Variants in AKAP6 observed in about 807,000 individuals in gnomAD.
AKAP6 encodes the protein A-kinase anchor protein 6.
In AKAP6, 58 loss-of-function variants were observed where a neutral mutation model predicts 188.5. The observed-to-expected ratio is 0.31, with a 90% CI of 0.25 to 0.38. AKAP6 has a LOEUF of 0.38. AKAP6 is among the 10% of genes least tolerant of loss of function. The pLI is 1.00. For missense variants in AKAP6, 2,710 were observed against 2,740.0 expected (o/e 0.99, Z 0.24); for synonymous variants, 989 against 998.6 (o/e 0.99, Z 0.18).
intron 9 of AKAP6, chr14:32,718,239 G>A (rs562982474): frequency 2.1e-6 from 2 of 973,506 alleles, no homozygotes; most frequent in East Asian, 1.1e-4. Flanking sequence ...TTTCCCCATG[G>A]GCTTGCCATA....
At chr14:32,813,390 C>CCT (rs1555365123) in intron 12 of AKAP6, among the ~76,000 whole-genome samples, 1 of 57,876 alleles carries the variant, frequency 1.7e-5, no homozygotes, top group Non-Finnish European at 3.2e-5. Context: ...TCTAACCCTA[C>CCT]CCCCCCCCCC....
intron 4 of AKAP6, among the ~76,000 whole-genome samples, chr14:32,554,483 G>T (rs181205641): frequency 1.9e-3 from 283 of 152,248 alleles, no homozygotes; most frequent in Non-Finnish European, 3.2e-3. Context: ...ACTTGCTCAG[G>T]GTCATAATGC....
At chr14:32,707,791 C>T (rs1566658745) in intron 9 of AKAP6, among the ~76,000 whole-genome samples, 1 of 152,058 alleles carries the variant, frequency 6.6e-6, no homozygotes, top group Non-Finnish European at 1.5e-5. Flanking sequence ...GAATGTAAAA[C>T]TTTATGTTCT....
At chr14:32,806,497 C>A (rs1004814190) in intron 12 of AKAP6, among the ~76,000 whole-genome samples, 4 of 151,946 alleles carry the variant, frequency 2.6e-5, no homozygotes, top group African/African-American at 9.7e-5. Flanking sequence ...AGCAACATGG[C>A]AAAACCCCTT....
chr14:32,436,923 C>T (rs921205238), intron 2 of AKAP6, among the ~76,000 whole-genome samples: 3 of 152,122 alleles, frequency 2.0e-5, no homozygotes, highest in Admixed American at 2.0e-4. Context: ...GAGACTCTGT[C>T]TCAAAAAACT....
intron 7 of AKAP6, chr14:32,627,999 C>A (rs748424218): frequency 6.6e-6 from 1 of 151,986 alleles, no homozygotes; most frequent in Admixed American, 6.6e-5. Flanking sequence ...GCAAAGGACG[C>A]GGGGTGGATG....
chr14:32,343,981 T>TGTATGA (rs1455696953), intron 1 of AKAP6, among the ~76,000 whole-genome samples: 1 of 152,178 alleles, frequency 6.6e-6, no homozygotes, highest in African/African-American at 2.4e-5. Context: ...ACTCTGAGGT[T>TGTATGA]GTTTCACATG....
intron 2 of AKAP6, among the ~76,000 whole-genome samples, chr14:32,529,483 A>C (rs1401343637): frequency 6.6e-6 from 1 of 152,056 alleles, no homozygotes; most frequent in African/African-American, 2.4e-5. Flanking sequence ...TCTTATTGCA[A>C]TAGCTAGGAC....
chr14:32,719,985 T>A (rs2030444379), intron 9 of AKAP6, among the ~76,000 whole-genome samples: 1 of 152,202 alleles, frequency 6.6e-6, no homozygotes. Context: ...CTGCTGCTGC[T>A]GCACAACCAT....
chr14:32,488,368 C>T (rs947861000), intron 2 of AKAP6, among the ~76,000 whole-genome samples: 5 of 152,122 alleles, frequency 3.3e-5, no homozygotes, highest in East Asian at 3.9e-4. Flanking sequence ...TAATGGTGGA[C>T]GCCCCTACCC....
intron 4 of AKAP6, among the ~76,000 whole-genome samples, chr14:32,557,983 A>C (rs920138384): frequency 7.9e-5 from 12 of 152,032 alleles, no homozygotes; most frequent in Admixed American, 7.2e-4. Context: ...TACCATTCAA[A>C]CTGGAGCCCT....
chr14:32,372,770 CTGTGTGTGTGTGTGTGTG>C (rs3031400), intron 1 of AKAP6, among the ~76,000 whole-genome samples: 3 of 147,486 alleles, frequency 2.0e-5, no homozygotes, highest in Admixed American at 6.8e-5. Context: ...TTTTGTTGCT[CTGTGTGTGTGTGTGTGTG>C]TGTGTGTGTG....
rs768237045 is a variant in AKAP6, at chr14:32,546,409, G to A, written c.1756G>A (p.Val586Ile). Reference sequence around the variant, plus strand: ...TTTTACTCAGAGCAGTGAATCCTCTGTTGGCTCAGACAACATCATGTCTCC... The same window carrying A: ...TTTTACTCAGAGCAGTGAATCCTCTATTGGCTCAGACAACATCATGTCTCC... The part of the protein sequence containing the change: ...PAFTQSSESS[V>I]GSDNIMSPVP... Residue 586 changes from valine (V) to isoleucine (I), a missense_variant, in exon 4 of 14, where the codon GTT becomes ATT. Around this residue, in one of 2 missense-constraint regions of AKAP6, gnomAD observed 2,473 missense variants for 2,426.1 expected, o/e 1.02. Coordinates refer to ENST00000280979, the MANE Select transcript of AKAP6 (RefSeq NM_004274.5). The A allele has an allele frequency of 1.2e-6, 2 of 1,614,160 alleles. No individual in the cohort carries two copies. Among genetic ancestry groups the A allele is most frequent in the Non-Finnish European group, 1.7e-6 (2 of 1,180,030 alleles).
intron 7 of AKAP6, among the ~76,000 whole-genome samples, chr14:32,602,566 A>G (rs1415450724): frequency 6.6e-6 from 1 of 152,148 alleles, no homozygotes; most frequent in African/African-American, 2.4e-5. Context: ...GCTACTCAGG[A>G]GGCTGAGTTG....
intron 1 of AKAP6, among the ~76,000 whole-genome samples, chr14:32,403,943 G>C (rs1478745397): frequency 6.6e-6 from 1 of 152,104 alleles, no homozygotes; most frequent in South Asian, 2.1e-4. Flanking sequence ...TGGTTTTATT[G>C]TCTGCTAGGT....
chr14:32,378,198 G>A (rs113170975), intron 1 of AKAP6, among the ~76,000 whole-genome samples: 3 of 128,542 alleles, frequency 2.3e-5, no homozygotes, highest in South Asian at 5.2e-4. Flanking sequence ...TTATATAGGG[G>A]AAAAAACTAA....
chr14:32,374,159 A>G (rs1888090846), intron 1 of AKAP6, among the ~76,000 whole-genome samples: 1 of 152,184 alleles, frequency 6.6e-6, no homozygotes, highest in African/African-American at 2.4e-5. Flanking sequence ...ATGTGTTGGG[A>G]TATGCTGGGT....
At chr14:32,714,956 G>A (rs1000206414) in intron 9 of AKAP6, among the ~76,000 whole-genome samples, 11 of 151,860 alleles carry the variant, frequency 7.2e-5, no homozygotes, top group African/African-American at 2.4e-4. Flanking sequence ...ACAGACTCAC[G>A]TTTGAATTCG....
Position 32,585,933 on chromosome 14 carries a change from G to T in AKAP6, c.2469+8691G>T, listed in dbSNP as rs576710554. Among the ~76,000 whole-genome samples the T allele has an allele frequency of 1.3e-4, 20 of 152,242 alleles. No individual in the cohort carries two copies. In the South Asian group the frequency reaches 3.7e-3, roughly 28 times the overall value. On this transcript the variant is annotated intron_variant, in intron 5 of 13. Transcript: ENST00000280979. ...TTGGGGCTGGGTGGTAAAGGAGTTT[G>T]AATGTCTTTTTAATGGATTAAACTT...
Sources: gnomAD v4.1 joint callset for allele counts (sites outside exome capture counted in the v4.1 genomes callset) on GRCh38, gnomAD v4.1.1 for gene constraint, gnomAD v4.1.1 regional missense constraint, MANE v1.5 for transcripts, NCBI Gene and HGNC (gene_info 2026-07-23, HGNC 2026-07-21) for gene names.